The following ANKRD36 variants were observed in gnomAD, a reference collection of about 807,000 sequenced individuals.
ANKRD36 encodes the protein ankyrin repeat domain-containing protein 36A.
In ANKRD36, 179 loss-of-function variants were observed where a neutral mutation model predicts 278.1. The ratio of observed to expected loss-of-function variants is 0.64; its 90% confidence interval spans 0.57 to 0.73. ANKRD36 has a LOEUF of 0.73. Among genes scored for constraint, ANKRD36 ranks in the 30% least tolerant of loss-of-function variants. The probability of loss-of-function intolerance (pLI) is 0.00; values close to 1 mark genes in which losing one functional copy is unlikely to be tolerated. For synonymous variants in ANKRD36, 320 were observed against 641.1 expected (o/e 0.50, Z 7.57); for missense variants, 1,159 against 1,956.7 (o/e 0.59, Z 7.69).
chr2:97,185,458 T>G lies in ANKRD36; in HGVS notation c.1989T>G (p.Asp663Glu). The G allele has an allele frequency of 6.2e-7, 1 of 1,610,942 alleles. No homozygotes were observed. The highest frequency in any genetic ancestry group is 8.5e-7 in the Non-Finnish European group (1 of 1,178,536). ...TTCAGGCTACAAGTGACAAGACAGATTCTGCTTTGAATATAGCTACAGAAA... is the reference window on the plus strand; with the variant it reads ...TTCAGGCTACAAGTGACAAGACAGAGTCTGCTTTGAATATAGCTACAGAAA... ...PASKATSDKT[D>E]SALNIATEIK... The change falls in exon 30 of 76, where the codon GAT becomes GAG. Residue 663 changes from aspartate (D) to glutamate (E), a missense_variant. Transcript: ENST00000420699.
At chr2:97,114,326 T>G (rs1574444091) in intron 1 of ANKRD36, among the ~76,000 whole-genome samples, 1 of 64,206 alleles carries the variant, frequency 1.6e-5, no homozygotes, top group African/African-American at 6.5e-5. Flanking sequence ...GGGAAAGGGG[T>G]GCAGAGGTGA....
rs1261241604 is a variant in ANKRD36 at position 97,118,375 on chromosome 2, C to T, written c.344C>T (p.Thr115Ile). Residue 115 changes from threonine to isoleucine, a missense_variant, in exon 3 of 76, where the codon ACT becomes ATT. Physicochemically the swap from Thr to Ile is moderately conservative, Grantham distance 89 (BLOSUM62 -1). Transcript: ENST00000420699. ...CAACTGAGGCAGGAGGCTTGTGCAA[C>T]TCTTCTGCTGCAAAATGGCGCCAAT... is the stretch of plus-strand genomic sequence containing the variant. ...AVQLRQEACA[T>I]LLLQNGANPN... The T allele has an allele frequency of 1.9e-6, 3 of 1,609,540 alleles. No homozygotes were observed. The highest frequency in any genetic ancestry group is 2.5e-6 in the Non-Finnish European group (3 of 1,178,252).
At chr2:97,197,643 G>T (rs1295035142) in intron 42 of ANKRD36, among the ~76,000 whole-genome samples, 1 of 151,906 alleles carries the variant, frequency 6.6e-6, no homozygotes, top group Non-Finnish European at 1.5e-5. Flanking sequence ...ATGCTGCATT[G>T]TAATTAACTC....
intron 55 of ANKRD36, 23 bp downstream of exon 55, chr2:97,209,732 TG>T (rs752299799): frequency 6.3e-7 from 1 of 1,583,726 alleles, no homozygotes; most frequent in South Asian, 1.1e-5. Context: ...TCATTCATAT[TG>T]TGAGCTAGTA....
intron 44 of ANKRD36, among the ~76,000 whole-genome samples, chr2:97,199,533 C>A (rs1233855622): frequency 1.4e-4 from 21 of 152,012 alleles, no homozygotes; most frequent in East Asian, 1.9e-4. Flanking sequence ...CTAAAATGGT[C>A]ATTTTCAATG....
At chr2:97,233,997 T>C in intron 68 of ANKRD36, 126 bp downstream of exon 68, 1 of 536,926 alleles carries the variant, frequency 1.9e-6, no homozygotes, top group South Asian at 2.3e-5. Context: ...ATATGCCTTA[T>C]GTTAAAATAG....
At chr2:97,114,230 G>A (rs1438023260) in intron 1 of ANKRD36, among the ~76,000 whole-genome samples, 1 of 119,030 alleles carries the variant, frequency 8.4e-6, no homozygotes, top group African/African-American at 3.3e-5. Context: ...TAGGGGCGTG[G>A]ACGGTGTGGG....
At chr2:97,207,864 T>G (rs1558790000) in intron 53 of ANKRD36, 25 bp downstream of exon 53, 1 of 1,545,578 alleles carries the variant, frequency 6.5e-7, no homozygotes, top group Non-Finnish European at 8.7e-7. Context: ...ATTTATATTG[T>G]GAACTAGTAA....
rs924288259 is a variant in ANKRD36 at position 97,179,481 on chromosome 2, T to C, written c.1634-257T>C. 4.0e-5 allele frequency among the ~76,000 whole-genome samples: 6 copies of C among 151,628 alleles called. No individual in the cohort carries two copies. In the Admixed American group the frequency reaches 4.0e-4, roughly 10 times the overall value. On this transcript the variant is annotated intron_variant, in intron 22 of 75. Coordinates refer to ENST00000420699, the MANE Select transcript of ANKRD36 (RefSeq NM_001354587.1). ...CCACATTGATATTGACATGGTTTTA[T>C]TTTAGTTTTAGACATATGGAGAAAG...
At chr2:97,173,446 G>A (rs1303515417) in intron 22 of ANKRD36, among the ~76,000 whole-genome samples, 1 of 151,732 alleles carries the variant, frequency 6.6e-6, no homozygotes, top group African/African-American at 2.4e-5. Flanking sequence ...GGAGAGAGGA[G>A]GCCATGGGGC....
chr2:97,144,031 A>G (rs1303873751), intron 8 of ANKRD36, among the ~76,000 whole-genome samples: 1 of 152,172 alleles, frequency 6.6e-6, no homozygotes, highest in Non-Finnish European at 1.5e-5. Context: ...GGAAGTGTAC[A>G]TTCAACTAAA....
In ANKRD36 at chr2:97,185,462, G is replaced by A; in HGVS notation, c.1993G>A (p.Ala665Thr). 1.9e-6 allele frequency: 3 copies of A among 1,610,856 alleles called. No homozygotes were observed. Among genetic ancestry groups the A allele is most frequent in the Non-Finnish European group, 2.5e-6 (3 of 1,178,510 alleles). Reference protein sequence around the residue: ...SKATSDKTDSALNIATEIKDG... With the variant: ...SKATSDKTDSTLNIATEIKDG... ...GGCTACAAGTGACAAGACAGATTCT[G>A]CTTTGAATATAGCTACAGAAATAAA... Residue 665 changes from alanine (A) to threonine (T), a missense_variant, in exon 30 of 76, where the codon GCT becomes ACT. Ala to Thr is a moderately conservative substitution (Grantham distance 58). Coordinates refer to ENST00000420699, the MANE Select transcript of ANKRD36 (RefSeq NM_001354587.1).
intron 6 of ANKRD36, among the ~76,000 whole-genome samples, chr2:97,137,752 A>G (rs1415212202): frequency 6.6e-6 from 1 of 152,076 alleles, no homozygotes; most frequent in Non-Finnish European, 1.5e-5. Flanking sequence ...ATTTCTCCAC[A>G]TCTGCTCCAG....
At chr2:97,260,347 G>GATATATATATATATAT (rs71218080) in intron 75 of ANKRD36, among the ~76,000 whole-genome samples, 19 of 117,630 alleles carry the variant, frequency 1.6e-4, no homozygotes, top group Non-Finnish European at 2.2e-4. Flanking sequence ...TATTTTAAAA[G>GATATATATATATATAT]ATATATATAT....
At chr2:97,119,294 A>G (rs1333698541) in intron 3 of ANKRD36, among the ~76,000 whole-genome samples, 1 of 4,114 alleles carries the variant, frequency 2.4e-4, no homozygotes. Context: ...AGAGAGAAGA[A>G]CACATAATTA....
intron 66 of ANKRD36, among the ~76,000 whole-genome samples, chr2:97,222,452 G>C (rs1380915958): frequency 8.5e-5 from 13 of 152,200 alleles, no homozygotes; most frequent in South Asian, 4.2e-4. Context: ...CAATGGTGTA[G>C]GAGGGTTCTG....
intron 6 of ANKRD36, among the ~76,000 whole-genome samples, chr2:97,140,558 G>A (rs911555353): frequency 6.6e-6 from 1 of 151,944 alleles, no homozygotes; most frequent in Non-Finnish European, 1.5e-5. Context: ...AATAAGAGAC[G>A]ATAGATACTC....
chr2:97,242,579 C>A (rs1183139338), intron 69 of ANKRD36, among the ~76,000 whole-genome samples: 1 of 145,778 alleles, frequency 6.9e-6, no homozygotes, highest in Non-Finnish European at 1.5e-5. Flanking sequence ...TAACATATTA[C>A]CTTCTTAACC....
rs1359602717 is a variant in ANKRD36 at position 97,164,459 on chromosome 2, T to A, written c.1521T>A (p.Thr507=). The change falls in exon 20 of 76, where the codon ACT becomes ACA. Residue 507 remains threonine (T), a synonymous_variant. Transcript: ENST00000420699. ...TCTTAGGAGGTATGGATTCACTAACTTCCAGTGAAGGTAAATTTGCCGCTA... is the reference window on the plus strand; with the variant it reads ...TCTTAGGAGGTATGGATTCACTAACATCCAGTGAAGGTAAATTTGCCGCTA... ...TRFLGGMDSL[T]SSEESSERPP... 2 of 1,536,844 alleles carry A rather than the reference T, an allele frequency of 1.3e-6. No homozygotes were observed. The highest frequency in any genetic ancestry group is 1.7e-6 in the Non-Finnish European group (2 of 1,146,716).
Sources: gnomAD v4.1 joint callset for allele counts (sites outside exome capture counted in the v4.1 genomes callset) on GRCh38, gnomAD v4.1.1 for gene constraint, MANE v1.5 for transcripts, NCBI Gene and HGNC (gene_info 2026-07-23, HGNC 2026-07-21) for gene names.